The following SYT1 variants were observed in gnomAD, a reference collection of about 807,000 sequenced individuals.
SYT1 encodes synaptotagmin 1.
Under a neutral mutation model 44.8 loss-of-function variants are expected in SYT1, and 8 were observed. The ratio of observed to expected loss-of-function variants is 0.18; its 90% confidence interval spans 0.10 to 0.32. SYT1 has a LOEUF of 0.32. SYT1 is among the 10% of genes least tolerant of loss of function. The pLI is 1.00. For missense variants in SYT1, 286 were observed against 509.3 expected (o/e 0.56, Z 4.22); for synonymous variants, 154 against 188.8 (o/e 0.82, Z 1.51).
chr12:79,397,550 G>T (rs1205688353), intron 9 of SYT1, among the ~76,000 whole-genome samples: 2 of 152,104 alleles, frequency 1.3e-5, no homozygotes, highest in Non-Finnish European at 2.9e-5. Flanking sequence ...TTAAATGAAA[G>T]GAGATCTGCC....
chr12:78,892,512 C>G (rs1400710873), intron 1 of SYT1, among the ~76,000 whole-genome samples: 3 of 151,546 alleles, frequency 2.0e-5, no homozygotes, highest in Admixed American at 1.3e-4. Flanking sequence ...AGTTGTTTCC[C>G]TTTCCCCACC....
intron 4 of SYT1, among the ~76,000 whole-genome samples, chr12:79,234,775 A>G (rs1401269278): frequency 1.4e-5 from 2 of 146,242 alleles, no homozygotes; most frequent in East Asian, 2.0e-4. Context: ...CAGTGGCGCA[A>G]TCTTGGCTCA....
At chr12:79,009,716 G>C (rs550984033) in intron 2 of SYT1, among the ~76,000 whole-genome samples, 2 of 152,212 alleles carry the variant, frequency 1.3e-5, no homozygotes, top group East Asian at 1.9e-4. Flanking sequence ...TAACTGTTTA[G>C]ATTTTCAGCA....
At chr12:78,908,900 T>A (rs1876147554) in intron 1 of SYT1, among the ~76,000 whole-genome samples, 1 of 151,950 alleles carries the variant, frequency 6.6e-6, no homozygotes, top group African/African-American at 2.4e-5. Context: ...CTCTATTATA[T>A]GTTTCATAAA....
intron 3 of SYT1, among the ~76,000 whole-genome samples, chr12:79,133,506 A>G (rs1275206563): frequency 2.6e-5 from 4 of 152,194 alleles, no homozygotes; most frequent in Admixed American, 1.3e-4. Context: ...TCAAAATATC[A>G]CCTATACCCT....
In SYT1 at chr12:78,973,939, ATATATATATATATATATATATATAT is replaced by A. The variant is rs1396227147; in HGVS notation, c.-216-3859_-216-3835del. Among the ~76,000 whole-genome samples, 15 of 11,404 alleles carry A rather than the reference ATATATATATATATATATATATATAT, an allele frequency of 1.3e-3. 1 individual carries two copies. Among genetic ancestry groups the A allele is most frequent in the East Asian group, 7.9e-3 (1 of 126 alleles). The allele number at this position is 11,404 out of a possible 152,430, so 7.5% of individuals were successfully genotyped here. A position where few individuals can be genotyped will look rare whatever the true frequency, so the allele number is the denominator to read the frequency against. On this transcript the variant is annotated intron_variant, in intron 1 of 10. Coordinates refer to ENST00000261205, the MANE Select transcript of SYT1 (RefSeq NM_005639.3). ...ACCAAAAAAAAAAAAAAAAAAAAAA[ATATATATATATATATATATATATAT>A]ATATATATATATATATATATATATG...
At chr12:79,190,800 A>G (rs1255588356) in intron 3 of SYT1, among the ~76,000 whole-genome samples, 1 of 151,914 alleles carries the variant, frequency 6.6e-6, no homozygotes, top group Non-Finnish European at 1.5e-5. Flanking sequence ...TGATCATTTT[A>G]CTTCTAGTTG....
intron 2 of SYT1, among the ~76,000 whole-genome samples, chr12:79,020,588 T>C (rs570424023): frequency 9.2e-5 from 14 of 152,086 alleles, no homozygotes; most frequent in African/African-American, 2.4e-4. Flanking sequence ...CTCTGCATTA[T>C]AGTATATGCA....
chr12:79,101,551 T>C (rs1029250906), intron 3 of SYT1, among the ~76,000 whole-genome samples: 2 of 152,180 alleles, frequency 1.3e-5, no homozygotes, highest in Non-Finnish European at 2.9e-5. Flanking sequence ...GGTTGTACAA[T>C]GTGAATGTAG....
intron 1 of SYT1, among the ~76,000 whole-genome samples, chr12:78,876,679 G>A (rs1159042431): frequency 1.0e-5 from 1 of 100,454 alleles, no homozygotes; most frequent in African/African-American, 5.3e-5. Flanking sequence ...GTACATGTGT[G>A]TATATATACA....
At chr12:79,137,827 CT>C (rs1343916335) in intron 3 of SYT1, among the ~76,000 whole-genome samples, 3 of 152,134 alleles carry the variant, frequency 2.0e-5, no homozygotes, top group Non-Finnish European at 2.9e-5. Flanking sequence ...TTTCCTAGCA[CT>C]GGTATTCATG....
chr12:78,928,617 C>A (rs1027059547), intron 1 of SYT1, among the ~76,000 whole-genome samples: 4 of 152,134 alleles, frequency 2.6e-5, no homozygotes, highest in Admixed American at 6.6e-5. Flanking sequence ...TCCTTGAACA[C>A]ATGCACTGTG....
intron 1 of SYT1, among the ~76,000 whole-genome samples, chr12:78,976,340 C>G (rs1868830649): frequency 6.6e-6 from 1 of 152,124 alleles, no homozygotes; most frequent in South Asian, 2.1e-4. Flanking sequence ...TATTTCTTGT[C>G]TGTATCAGCC....
intron 3 of SYT1, among the ~76,000 whole-genome samples, chr12:79,124,466 T>G (rs1014060921): frequency 4.6e-5 from 7 of 152,144 alleles, no homozygotes; most frequent in Non-Finnish European, 8.8e-5. Flanking sequence ...TGAGGTAGAA[T>G]ATAGATAATA....
chr12:79,288,296 T>G (rs1487332263), intron 5 of SYT1, among the ~76,000 whole-genome samples: 4 of 152,164 alleles, frequency 2.6e-5, no homozygotes, highest in South Asian at 2.1e-4. Context: ...AATAATTATA[T>G]TTTCAAAATA....
rs569966854 is a variant in SYT1 at position 79,353,739 on chromosome 12, G to T, written c.928+120G>T. 2.1e-5 allele frequency: 16 copies of T among 763,936 alleles called. No homozygotes were observed. The South Asian group carries it at 2.6e-4, about 12-fold the overall frequency. The allele number at this position is 763,936 out of a possible 1,614,324, so 47.3% of individuals were successfully genotyped here. ...TGATCACAGTTCTCTTTCCTATGGA[G>T]CCTGGAAGCAGTCTCAGAATTCATC... On this transcript the variant is annotated intron_variant, in intron 9 of 10. Transcript: ENST00000261205.
chr12:78,875,766 G>A (rs574008191), intron 1 of SYT1, among the ~76,000 whole-genome samples: 1 of 151,680 alleles, frequency 6.6e-6, no homozygotes, highest in East Asian at 1.9e-4. Context: ...GACAATCATA[G>A]AATATACACT....
rs1870912083 is a variant in SYT1, at chr12:79,449,311, C to G, written c.*187C>G. The G allele has an allele frequency of 1.7e-6, 1 of 602,090 alleles. No individual in the cohort carries two copies. The allele number at this position is 602,090 out of a possible 1,614,324, so 37.3% of individuals were successfully genotyped here. A position where few individuals can be genotyped will look rare whatever the true frequency, so the allele number is the denominator to read the frequency against. On this transcript the variant is annotated 3_prime_UTR_variant, in exon 11 of 11. Coordinates refer to ENST00000261205, the MANE Select transcript of SYT1 (RefSeq NM_005639.3). ...GAGAGCCCCTAAGTCCTTCATCATACCACTGCCCTCCAAATCTACTCTTCT... is the reference window on the plus strand; with the variant it reads ...GAGAGCCCCTAAGTCCTTCATCATAGCACTGCCCTCCAAATCTACTCTTCT...
At chr12:79,199,680 T>C (rs1873667136) in intron 3 of SYT1, among the ~76,000 whole-genome samples, 1 of 152,334 alleles carries the variant, frequency 6.6e-6, no homozygotes, top group South Asian at 2.1e-4. Flanking sequence ...CTCACATTTA[T>C]GTTTTACTCC....
Sources: gnomAD v4.1 joint callset for allele counts (sites outside exome capture counted in the v4.1 genomes callset) on GRCh38, gnomAD v4.1.1 for gene constraint, MANE v1.5 for transcripts, NCBI Gene and HGNC (gene_info 2026-07-23, HGNC 2026-07-21) for gene names.